Variants in TRAPPC11 observed in about 807,000 individuals in gnomAD.
The protein encoded by TRAPPC11 is foie gras homolog.
In TRAPPC11, 104 loss-of-function variants were observed where a neutral mutation model predicts 151.2. The ratio of observed to expected loss-of-function variants is 0.69; its 90% CI spans 0.59 to 0.81. The LOEUF (loss-of-function observed/expected upper bound fraction) is 0.81. TRAPPC11 is among the 30% of genes least tolerant of loss of function. TRAPPC11 has a pLI of 0.00. For missense variants in TRAPPC11, 1,230 were observed against 1,349.6 expected, an observed-to-expected ratio of 0.91 and a Z score of 1.39; for synonymous variants, 456 against 472.3, an observed-to-expected ratio of 0.97 and a Z score of 0.45.
At chr4:183,698,525 A>G (rs992989757) in intron 25 of TRAPPC11, among the ~76,000 whole-genome samples, 3 of 152,232 alleles carry the variant, frequency 2.0e-5, no homozygotes, top group African/African-American at 2.4e-5. Flanking sequence ...TCTCAGCCCT[A>G]CAACTTGTTC....
intron 21 of TRAPPC11, 55 bp from the exon 22 acceptor site, chr4:183,693,862 T>G: frequency 6.2e-7 from 1 of 1,603,248 alleles, no homozygotes; most frequent in Non-Finnish European, 8.5e-7. Context: ...CAGTATTGAT[T>G]ATTGGGATAA....
In TRAPPC11 at chr4:183,693,620, C is replaced by T. The variant is rs1736372009; in HGVS notation, c.2269C>T (p.His757Tyr). The T allele has an allele frequency of 6.2e-7, 1 of 1,613,714 alleles. No individual in the cohort carries two copies. Among genetic ancestry groups the T allele is most frequent in the Non-Finnish European group, 8.5e-7 (1 of 1,179,900 alleles). The part of the protein sequence containing the change: ...IISRVPNISV[H>Y]LLHEPPALTN... ...ATCCAGAGTCCCAAACATTTCTGTA[C>T]ATCTGCTACATGAACCCCCTGCACT... The change falls in exon 21 of 30, where the codon CAT becomes TAT. Residue 757 changes from histidine (H) to tyrosine (Y), a missense_variant. His to Tyr is a moderately conservative substitution (Grantham distance 83, BLOSUM62 2). Coordinates refer to ENST00000334690, the MANE Select transcript of TRAPPC11 (RefSeq NM_021942.6).
chr4:183,676,706 C>T (rs1289310673), intron 7 of TRAPPC11, among the ~76,000 whole-genome samples: 1 of 152,198 alleles, frequency 6.6e-6, no homozygotes, highest in Non-Finnish European at 1.5e-5. Context: ...TAGACTTTAC[C>T]TGAGGCCAGT....
At chr4:183,671,413 G>A (rs1278412432) in intron 5 of TRAPPC11, among the ~76,000 whole-genome samples, 1 of 152,146 alleles carries the variant, frequency 6.6e-6, no homozygotes, top group African/African-American at 2.4e-5. Flanking sequence ...AAAGGCTGGA[G>A]GAGAAAGGAA....
At chr4:183,691,820 T>C (rs62358030) in intron 19 of TRAPPC11, among the ~76,000 whole-genome samples, 3 of 152,202 alleles carry the variant, frequency 2.0e-5, no homozygotes, top group Non-Finnish European at 2.9e-5. Context: ...TTAAATAATG[T>C]ATATTATGTA....
At chr4:183,685,198 A>G (rs940089472) in intron 16 of TRAPPC11, 53 bp downstream of exon 16, 2 of 1,609,768 alleles carry the variant, frequency 1.2e-6, no homozygotes, top group Non-Finnish European at 8.5e-7. Flanking sequence ...GTGTACTTAT[A>G]TCTATATCAA....
At chr4:183,673,542 T>G (rs112413505) in intron 5 of TRAPPC11, among the ~76,000 whole-genome samples, 44 of 151,968 alleles carry the variant, frequency 2.9e-4, no homozygotes, top group African/African-American at 9.6e-4. Flanking sequence ...GGCGTGGTCA[T>G]GTATGCATGT....
intron 3 of TRAPPC11, among the ~76,000 whole-genome samples, chr4:183,666,695 T>G (rs772016596): frequency 6.6e-6 from 1 of 152,260 alleles, no homozygotes; most frequent in Non-Finnish European, 1.5e-5. Flanking sequence ...ATTTACTGTT[T>G]AGTCTCTTAA....
intron 19 of TRAPPC11, among the ~76,000 whole-genome samples, chr4:183,692,459 AAAT>A (rs1736302963): frequency 2.0e-5 from 3 of 152,078 alleles, no homozygotes; most frequent in African/African-American, 7.2e-5. Flanking sequence ...TACCAGACAT[AAAT>A]AATAATTAGT....
At chr4:183,663,322 C>A (rs1371778315) in intron 1 of TRAPPC11, among the ~76,000 whole-genome samples, 1 of 152,190 alleles carries the variant, frequency 6.6e-6, no homozygotes, top group Non-Finnish European at 1.5e-5. Flanking sequence ...CAACCTCCAC[C>A]TCCCGGGTTC....
intron 23 of TRAPPC11, among the ~76,000 whole-genome samples, 154 bp downstream of exon 23, chr4:183,694,877 A>G (rs1337442494): frequency 6.6e-6 from 1 of 151,686 alleles, no homozygotes; most frequent in East Asian, 1.9e-4. Context: ...AATCACTTAT[A>G]TTGAGATTTG....
intron 1 of TRAPPC11, among the ~76,000 whole-genome samples, chr4:183,661,961 C>T (rs892214903): frequency 7.9e-5 from 12 of 151,878 alleles, no homozygotes; most frequent in South Asian, 6.2e-4. Context: ...GACAGGATCT[C>T]ACTATGTTTC....
Position 183,697,571 on chromosome 4 carries a change from A to G in TRAPPC11, c.2694+3A>G, listed in dbSNP as rs1488742461. 1.2e-6 allele frequency: 2 copies of G among 1,604,808 alleles called. No homozygotes were observed. Among genetic ancestry groups the G allele is most frequent in the South Asian group, 1.1e-5 (1 of 89,114 alleles). On this transcript the variant is annotated splice_donor_region_variant and intron_variant, in intron 24 of 29. Coordinates refer to ENST00000334690, the MANE Select transcript of TRAPPC11 (RefSeq NM_021942.6). The stretch of plus-strand genomic sequence containing the variant: ...CGGTTAAATTTGTTTCTACCAAGGT[A>G]TGTTTCTTTGAGGCATACTAGAAAT...
intron 20 of TRAPPC11, 142 bp downstream of exon 20, chr4:183,693,289 T>A: frequency 1.2e-6 from 1 of 836,894 alleles, no homozygotes; most frequent in Non-Finnish European, 1.8e-6. Flanking sequence ...CCACCTGAGC[T>A]CAAACCATCC....
intron 18 of TRAPPC11, among the ~76,000 whole-genome samples, chr4:183,689,431 C>T (rs1736141455): frequency 6.6e-6 from 1 of 152,032 alleles, no homozygotes; most frequent in Non-Finnish European, 1.5e-5. Context: ...CCCTGACTTA[C>T]ATGACTGAAT....
At chr4:183,706,696 T>C in intron 27 of TRAPPC11, 111 bp from the exon 28 acceptor site, 1 of 1,185,932 alleles carries the variant, frequency 8.4e-7, no homozygotes, top group Non-Finnish European at 1.2e-6. Flanking sequence ...TACAGTAACG[T>C]CATTAATTTA....
intron 11 of TRAPPC11, 98 bp from the exon 12 acceptor site, chr4:183,683,877 A>AACC: frequency 1.0e-6 from 1 of 952,776 alleles, no homozygotes; most frequent in Non-Finnish European, 1.7e-6. Context: ...AAATGATTAT[A>AACC]TTAAATAAAG....
intron 10 of TRAPPC11, among the ~76,000 whole-genome samples, chr4:183,682,061 A>T (rs1295838726): frequency 6.6e-6 from 1 of 152,222 alleles, no homozygotes; most frequent in Non-Finnish European, 1.5e-5. Context: ...GATTAAATAT[A>T]CAGAATATAT....
At chr4:183,668,785 G>A (rs1422712287) in intron 5 of TRAPPC11, among the ~76,000 whole-genome samples, 1 of 152,186 alleles carries the variant, frequency 6.6e-6, no homozygotes, top group African/African-American at 2.4e-5. Context: ...TTGTTTTGTA[G>A]CATTTATTGT....
Sources: gnomAD v4.1 joint callset for allele counts (sites outside exome capture counted in the v4.1 genomes callset) on GRCh38, gnomAD v4.1.1 for gene constraint, MANE v1.5 for transcripts, NCBI Gene and HGNC (gene_info 2026-07-23, HGNC 2026-07-21) for gene names.